Variants in CLSTN2 observed in about 807,000 individuals in gnomAD.
CLSTN2 encodes calsyntenin 2.
A neutral mutation model predicts 101.2 loss-of-function variants in CLSTN2; 48 were observed. The observed-to-expected ratio is 0.47, with a 90% CI of 0.38 to 0.60. The LOEUF (loss-of-function observed/expected upper bound fraction) is 0.60. Ranked by LOEUF, CLSTN2 falls within the 20% of genes least tolerant of loss-of-function variation. The pLI is 0.00. For synonymous variants in CLSTN2, 481 were observed against 463.6 expected (o/e 1.04, Z -0.48); for missense variants, 1,160 against 1,238.2 (o/e 0.94, Z 0.95).
rs141078588 is a variant in CLSTN2, at chr3:140,028,290, G to T, written c.109+92807G>T. On this transcript the variant is annotated intron_variant, in intron 1 of 16. Coordinates refer to ENST00000458420, the MANE Select transcript of CLSTN2 (RefSeq NM_022131.3). ...GGCAGGCATGCACAGGGGAAGAGGG[G>T]CACTCAGACACTCAGCCAGGCCCCA... is the stretch of plus-strand genomic sequence containing the variant. 9.1e-3 allele frequency among the ~76,000 whole-genome samples: 1,379 copies of T among 152,282 alleles called. 19 individuals are homozygous for T. The highest frequency in any genetic ancestry group is 0.02 in the South Asian group (97 of 4,824).
intron 9 of CLSTN2, among the ~76,000 whole-genome samples, chr3:140,535,107 C>T (rs1277097548): frequency 1.3e-5 from 2 of 152,206 alleles, no homozygotes; most frequent in Non-Finnish European, 2.9e-5. Context: ...ATGCCCTCCC[C>T]ACCAACACAC....
chr3:140,529,262 C>CACTT (rs542662237), intron 8 of CLSTN2, among the ~76,000 whole-genome samples: 188 of 152,310 alleles, frequency 1.2e-3, no homozygotes, highest in African/African-American at 4.4e-3. Context: ...GTCTCTGAGT[C>CACTT]ACTTACCAGC....
At chr3:140,114,541 G>T (rs754239330) in intron 1 of CLSTN2, among the ~76,000 whole-genome samples, 21 of 152,110 alleles carry the variant, frequency 1.4e-4, no homozygotes, top group Non-Finnish European at 2.8e-4. Context: ...GAACAAAGGG[G>T]CGGTCTTAGA....
Position 140,421,378 on chromosome 3 carries a change from A to G in CLSTN2, c.787+104A>G, listed in dbSNP as rs765128223. On this transcript the variant is annotated intron_variant, in intron 5 of 16. Coordinates refer to ENST00000458420, the MANE Select transcript of CLSTN2 (RefSeq NM_022131.3). ...CACAACACATAACTTTTTAAAGTAC[A>G]GTCACTTTGCTGTGAGAAATAAAGT... The G allele has an allele frequency of 9.1e-6, 12 of 1,320,188 alleles. No individual in the cohort carries two copies. The East Asian group carries it at 2.3e-4, about 26-fold the overall frequency. The allele number at this position is 1,320,188 out of a possible 1,614,324, so 81.8% of individuals were successfully genotyped here.
chr3:140,516,634 C>T (rs986329462), intron 8 of CLSTN2, among the ~76,000 whole-genome samples: 2 of 151,304 alleles, frequency 1.3e-5, no homozygotes, highest in Non-Finnish European at 2.9e-5. Flanking sequence ...ATATTCTTGG[C>T]TCATAATTAT....
intron 1 of CLSTN2, among the ~76,000 whole-genome samples, chr3:140,025,144 A>G (rs1439590942): frequency 6.6e-6 from 1 of 152,106 alleles, no homozygotes; most frequent in African/African-American, 2.4e-5. Context: ...TTTTGTTTGT[A>G]AGAACTTCAA....
At chr3:140,386,136 T>G (rs2088048866) in intron 2 of CLSTN2, among the ~76,000 whole-genome samples, 1 of 152,244 alleles carries the variant, frequency 6.6e-6, no homozygotes, top group African/African-American at 2.4e-5. Flanking sequence ...TTTTGCCTTC[T>G]TGACTTTAAA....
chr3:140,016,887 G>T (rs1262618838), intron 1 of CLSTN2, among the ~76,000 whole-genome samples: 5 of 151,380 alleles, frequency 3.3e-5, no homozygotes, highest in Non-Finnish European at 7.4e-5. Context: ...AACTGTTTAT[G>T]TTATCTGTAA....
intron 8 of CLSTN2, among the ~76,000 whole-genome samples, chr3:140,502,059 T>G (rs541097488): frequency 6.6e-6 from 1 of 152,272 alleles, no homozygotes; most frequent in South Asian, 2.1e-4. Context: ...ATTGGGAGAA[T>G]AGGCAATGCA....
intron 1 of CLSTN2, among the ~76,000 whole-genome samples, chr3:140,056,771 C>CA (rs2008104868): frequency 6.6e-6 from 1 of 152,036 alleles, no homozygotes; most frequent in African/African-American, 2.4e-5. Flanking sequence ...TATTTAGTAA[C>CA]AAGATATTTG....
chr3:140,545,899 CG>C (rs1357475504), intron 9 of CLSTN2, among the ~76,000 whole-genome samples: 5 of 152,236 alleles, frequency 3.3e-5, no homozygotes, highest in Non-Finnish European at 5.9e-5. Flanking sequence ...AATTTAAGCA[CG>C]GGTGGAATCA....
intron 8 of CLSTN2, among the ~76,000 whole-genome samples, chr3:140,522,440 T>C (rs926309989): frequency 6.6e-6 from 1 of 152,244 alleles, no homozygotes; most frequent in Admixed American, 6.5e-5. Context: ...ATCCTCCTGG[T>C]AAACAGCTCT....
rs61248635 is a variant in CLSTN2, at chr3:140,264,375, A to AAT, written c.232+88354_232+88355dup. 9.7e-3 allele frequency among the ~76,000 whole-genome samples: 943 copies of AAT among 97,374 alleles called. 7 individuals carry two copies. Among genetic ancestry groups the AAT allele is most frequent in the East Asian group, 0.015 (17 of 1,158 alleles). 63.9% of individuals were successfully genotyped at this position (97,374 alleles called of 152,430 possible). A position where few individuals can be genotyped will look rare whatever the true frequency, so the allele number is the denominator to read the frequency against. On this transcript the variant is annotated intron_variant, in intron 2 of 16. Coordinates refer to ENST00000458420, the MANE Select transcript of CLSTN2 (RefSeq NM_022131.3). ...CTGTGAGTTCAAGGTTAATGAATCA[A>AAT]ATATATATATATATATATATATATA...
intron 1 of CLSTN2, among the ~76,000 whole-genome samples, chr3:139,979,306 A>T (rs556391382): frequency 6.6e-6 from 1 of 152,332 alleles, no homozygotes; most frequent in East Asian, 1.9e-4. Flanking sequence ...TCACCTGTTC[A>T]CAGAGGGAAT....
At chr3:140,066,779 A>T (rs2008306249) in intron 1 of CLSTN2, among the ~76,000 whole-genome samples, 1 of 152,104 alleles carries the variant, frequency 6.6e-6, no homozygotes, top group African/African-American at 2.4e-5. Context: ...ATTACCTTTC[A>T]CTCACAGACA....
rs1454622362 is a variant in CLSTN2 at position 140,571,254 on chromosome 3, A to G, written c.*5001A>G. 2.0e-5 allele frequency: 3 copies of G among 152,236 alleles called. No individual in the cohort carries two copies. The highest frequency in any genetic ancestry group is 4.4e-5 in the Non-Finnish European group (3 of 68,042). 9.4% of individuals were successfully genotyped at this position (152,236 alleles called of 1,614,324 possible). A position where few individuals can be genotyped will look rare whatever the true frequency, so the allele number is the denominator to read the frequency against. On this transcript the variant is annotated 3_prime_UTR_variant, in exon 17 of 17. Coordinates refer to ENST00000458420, the MANE Select transcript of CLSTN2 (RefSeq NM_022131.3). Reference sequence around the variant, plus strand: ...ATCCTAAAGACTTGTGACTGTTTGAATCAATAGCAACATCATCAGTAGAAA... The same window carrying G: ...ATCCTAAAGACTTGTGACTGTTTGAGTCAATAGCAACATCATCAGTAGAAA...
intron 6 of CLSTN2, among the ~76,000 whole-genome samples, chr3:140,454,037 C>A (rs372383805): frequency 6.6e-6 from 1 of 152,258 alleles, no homozygotes; most frequent in South Asian, 2.1e-4. Flanking sequence ...TGCCTCCATT[C>A]GCAGAGAGAT....
At chr3:140,490,392 C>T (rs1934330436) in intron 8 of CLSTN2, among the ~76,000 whole-genome samples, 1 of 151,230 alleles carries the variant, frequency 6.6e-6, no homozygotes, top group African/African-American at 2.4e-5. Flanking sequence ...ACCTAATGGG[C>T]AACACTGCGG....
In CLSTN2 at chr3:140,347,342, C is replaced by T. The variant is rs559763665; in HGVS notation, c.233-56287C>T. On this transcript the variant is annotated intron_variant, in intron 2 of 16. Coordinates refer to ENST00000458420, the MANE Select transcript of CLSTN2 (RefSeq NM_022131.3). ...AATCTGAACAGGTTTGGCAGGACTG[C>T]TGAAACTTGAGCCCACTCTGGTTTT... Among the ~76,000 whole-genome samples, 3 of 152,190 alleles carry T rather than the reference C, an allele frequency of 2.0e-5. No individual in the cohort carries two copies. In the East Asian group the frequency reaches 5.8e-4, roughly 29 times the overall value.
Sources: allele counts gnomAD v4.1 joint callset (sites outside exome capture counted in the v4.1 genomes callset), GRCh38; gene constraint gnomAD v4.1.1; transcripts MANE v1.5; gene names NCBI Gene and HGNC (gene_info 2026-07-23, HGNC 2026-07-21).